The following ANXA8 variants were observed in gnomAD, a reference collection of about 807,000 sequenced individuals.
The protein encoded by ANXA8 is VAC-beta.
ANXA8 carries 9 observed loss-of-function variants against 26.8 expected under a neutral mutation model. The ratio of observed to expected loss-of-function variants is 0.34; its 90% confidence interval spans 0.20 to 0.59. The LOEUF (loss-of-function observed/expected upper bound fraction) is 0.59. Among genes scored for constraint, ANXA8 ranks in the 20% least tolerant of loss-of-function variants. The probability of loss-of-function intolerance (pLI) is 0.84; values close to 1 mark genes in which losing one functional copy is unlikely to be tolerated. For missense variants in ANXA8, 83 were observed against 238.5 expected (o/e 0.35, Z 4.29); for synonymous variants, 39 against 94.8 (o/e 0.41, Z 3.42).
chr10:47,645,930 T>A, the ANXA8 span, among the ~76,000 whole-genome samples: 1 of 149,184 alleles, frequency 6.7e-6, no homozygotes, highest in African/African-American at 2.6e-5. Context: ...GGTTGAACTA[T>A]ATCACTAACT....
chr10:47,472,603 C>CT (rs1399006154), intron 9 of ANXA8, among the ~76,000 whole-genome samples: 1 of 152,104 alleles, frequency 6.6e-6, no homozygotes, highest in Non-Finnish European at 1.5e-5. Flanking sequence ...AGAGTGCCCT[C>CT]TCTCTCACAC....
At chr10:47,600,623 T>C in the ANXA8 span, among the ~76,000 whole-genome samples, 1 of 145,712 alleles carries the variant, frequency 6.9e-6, no homozygotes, top group Non-Finnish European at 1.5e-5. Context: ...GTATCACTTC[T>C]ACTTTTTCTT....
At chr10:47,594,239 C>T in the ANXA8 span, among the ~76,000 whole-genome samples, 175 of 150,294 alleles carry the variant, frequency 1.2e-3, no homozygotes, top group African/African-American at 4.0e-3. Context: ...CCTATTACTT[C>T]GGTACCTATA....
At chr10:47,594,277 C>T in the ANXA8 span, among the ~76,000 whole-genome samples, 1 of 147,840 alleles carries the variant, frequency 6.8e-6, no homozygotes, top group Non-Finnish European at 1.5e-5. Flanking sequence ...CAAACCCCAT[C>T]TAAATGAAGC....
At chr10:47,610,676 C>G in the ANXA8 span, among the ~76,000 whole-genome samples, 1 of 149,538 alleles carries the variant, frequency 6.7e-6, no homozygotes, top group Non-Finnish European at 1.5e-5. Flanking sequence ...GTTGACTATA[C>G]CTGTGGCAGA....
chr10:47,718,199 A>G, the ANXA8 span, among the ~76,000 whole-genome samples: 12 of 152,194 alleles, frequency 7.9e-5, no homozygotes, highest in Non-Finnish European at 1.5e-4. Flanking sequence ...GGCCAGACAC[A>G]TTGGCTCAAG....
At chr10:47,727,256 C>T in the ANXA8 span, among the ~76,000 whole-genome samples, 5 of 152,272 alleles carry the variant, frequency 3.3e-5, no homozygotes, top group East Asian at 5.8e-4. Context: ...GAGTGTATGA[C>T]ATAATATATA....
the ANXA8 span, among the ~76,000 whole-genome samples, chr10:47,929,906 G>T: frequency 1.3e-5 from 2 of 151,990 alleles, no homozygotes; most frequent in African/African-American, 4.8e-5. Context: ...AACTAGTCAG[G>T]TGCCTCTACA....
the ANXA8 span, among the ~76,000 whole-genome samples, chr10:47,982,228 T>C: frequency 6.7e-6 from 1 of 149,346 alleles, no homozygotes; most frequent in East Asian, 2.0e-4. Context: ...AGGTCTATGA[T>C]GCAGTGACCT....
At chr10:47,717,990 T>G in the ANXA8 span, among the ~76,000 whole-genome samples, 3 of 89,428 alleles carry the variant, frequency 3.4e-5, no homozygotes, top group Middle Eastern at 6.3e-3. Context: ...AGAGCAATAC[T>G]CTGTCTCAAA....
the ANXA8 span, among the ~76,000 whole-genome samples, chr10:47,694,000 C>A: frequency 6.6e-6 from 1 of 151,470 alleles, no homozygotes; most frequent in Non-Finnish European, 1.5e-5. Context: ...GTCATTTTAC[C>A]GAGGCAATTA....
chr10:47,495,822 G>C, the ANXA8 span, among the ~76,000 whole-genome samples: 4 of 151,304 alleles, frequency 2.6e-5, no homozygotes, highest in East Asian at 7.8e-4. Context: ...CAGAAGAACA[G>C]GGCATGGGGG....
chr10:47,645,299 A>G, the ANXA8 span, among the ~76,000 whole-genome samples: 2 of 146,386 alleles, frequency 1.4e-5, no homozygotes, highest in Non-Finnish European at 3.0e-5. Flanking sequence ...ATCTTTTAAA[A>G]TGTTTTAACA....
chr10:47,515,729 A>C, the ANXA8 span, among the ~76,000 whole-genome samples: 391 of 140,820 alleles, frequency 2.8e-3, 20 homozygotes, highest in African/African-American at 8.5e-3. Flanking sequence ...GCCTGCTTTT[A>C]CTTTCCAGGC....
chr10:47,649,261 T>C, the ANXA8 span, among the ~76,000 whole-genome samples: 3 of 151,236 alleles, frequency 2.0e-5, no homozygotes, highest in Admixed American at 6.6e-5. Context: ...TAATCAATGA[T>C]ACATAAACCC....
chr10:47,944,827 T>C, the ANXA8 span, among the ~76,000 whole-genome samples: 48 of 149,090 alleles, frequency 3.2e-4, no homozygotes, highest in South Asian at 6.3e-4. Context: ...AGTGTGAGAA[T>C]GAGCTAATAC....
the ANXA8 span, among the ~76,000 whole-genome samples, chr10:47,617,770 T>C: frequency 6.8e-6 from 1 of 146,596 alleles, no homozygotes; most frequent in Non-Finnish European, 1.5e-5. Flanking sequence ...GAAATGACTT[T>C]TCAATGCAAA....
the ANXA8 span, among the ~76,000 whole-genome samples, chr10:47,896,728 C>T: frequency 6.6e-6 from 1 of 150,794 alleles, no homozygotes; most frequent in Non-Finnish European, 1.5e-5. Flanking sequence ...ATTCTCTCCA[C>T]CTCCCCAGCC....
chr10:47,970,426 G>GGGT, the ANXA8 span: 5 of 150,864 alleles, frequency 3.3e-5, 1 homozygote, highest in Admixed American at 3.3e-4. Flanking sequence ...TGAGGGTAAG[G>GGGT]GGTGGGTGAG....
Sources: gnomAD v4.1 joint callset for allele counts (sites outside exome capture counted in the v4.1 genomes callset) on GRCh38, gnomAD v4.1.1 for gene constraint, MANE v1.5 for transcripts, NCBI Gene and HGNC (gene_info 2026-07-23, HGNC 2026-07-21) for gene names.